GAL3ST3: variants seen among roughly 807,000 people sequenced by gnomAD.
The protein encoded by GAL3ST3 is beta-galactose-3-O-sulfotransferase 3.
Under a neutral mutation model 20.8 loss-of-function variants are expected in GAL3ST3, and 21 were observed. That is an observed-to-expected ratio of 1.01 (90% confidence interval 0.72 to 1.45). GAL3ST3 has a LOEUF of 1.45. Ranked by LOEUF, GAL3ST3 falls within the 40% of genes most tolerant of loss-of-function variation. The pLI is 0.00. For missense variants in GAL3ST3, 739 were observed against 662.7 expected, an observed-to-expected ratio of 1.12 and a Z score of -1.26; for synonymous variants, 355 against 307.2, an observed-to-expected ratio of 1.16 and a Z score of -1.63.
At chr11:66,046,489 T>G (rs1034364323) in intron 1 of GAL3ST3, among the ~76,000 whole-genome samples, 2 of 152,296 alleles carry the variant, frequency 1.3e-5, no homozygotes, top group South Asian at 4.1e-4. Flanking sequence ...AGCAATGAGA[T>G]GGCAGCCTGG....
chr11:66,042,366 G>C lies in GAL3ST3; in HGVS notation c.*141C>G. 1.5e-6 allele frequency: 1 copy of C among 648,642 alleles called. No individual in the cohort carries two copies. The highest frequency in any genetic ancestry group is 3.2e-5 in the East Asian group (1 of 31,554). 40.2% of individuals were successfully genotyped at this position (648,642 alleles called of 1,614,324 possible). On this transcript the variant is annotated 3_prime_UTR_variant, in exon 3 of 3. Coordinates refer to ENST00000312006, the MANE Select transcript of GAL3ST3 (RefSeq NM_033036.3). ...CGATCGGGAGCGGGGGCTCAGATAG[G>C]GAGGCGTACCCCAAAGTTCAGCGAG...
At chr11:66,045,569 A>G (rs1856774711) in intron 1 of GAL3ST3, 42 bp from the exon 2 acceptor site, 1 of 741,180 alleles carries the variant, frequency 1.3e-6, no homozygotes, top group South Asian at 2.6e-5. Flanking sequence ...GGCAGAGGAG[A>G]TGGGATCTGG....
At position 66,043,153 on chromosome 11, in the gene GAL3ST3, G is replaced by GGGCTGCGCTCATTGTCGCCGCCCA. The variant is rs1856736472; in HGVS notation, c.626_649dup (p.Leu209_Ser216dup). Reference sequence around the variant, plus strand: ...CGCCAGGTAGGCGGCGTCGTCGCGCGGGCTGCGCTCATTGTCGCCGCCCAG... The same window carrying GGGCTGCGCTCATTGTCGCCGCCCA: ...CGCCAGGTAGGCGGCGTCGTCGCGCGGGCTGCGCTCATTGTCGCCGCCCAGGCTGCGCTCATTGTCGCCGCCCAG... On this transcript the variant is annotated inframe_insertion, in exon 3 of 3. Coordinates refer to ENST00000312006, the MANE Select transcript of GAL3ST3 (RefSeq NM_033036.3). The GGGCTGCGCTCATTGTCGCCGCCCA allele has an allele frequency of 1.9e-6, 3 of 1,611,704 alleles. No homozygotes were observed. The highest frequency in any genetic ancestry group is 2.5e-6 in the Non-Finnish European group (3 of 1,179,326).
Position 66,049,114 on chromosome 11 carries a change from C to G in GAL3ST3, c.-216G>C, listed in dbSNP as rs1435136208. 1.3e-5 allele frequency: 2 copies of G among 152,470 alleles called. 1 individual carries two copies. Among genetic ancestry groups the G allele is most frequent in the South Asian group, 4.1e-4 (2 of 4,852 alleles). 9.4% of individuals were successfully genotyped at this position (152,470 alleles called of 1,614,324 possible). On this transcript the variant is annotated 5_prime_UTR_variant, in exon 1 of 3. Transcript: ENST00000312006. Reference sequence around the variant, plus strand: ...ACGGGGTCCGAGGGTGCCCGGGGCCCTGCGCGCCGAGTGCCGGTGGCTTGC... The same window carrying G: ...ACGGGGTCCGAGGGTGCCCGGGGCCGTGCGCGCCGAGTGCCGGTGGCTTGC...
In GAL3ST3 at chr11:66,041,106, G is replaced by C. The variant is rs930361270; in HGVS notation, c.*1401C>G. The stretch of plus-strand genomic sequence containing the variant: ...GAATGGCACTACAGACAGCACTTGT[G>C]AGCACAAACTCTGAAGCCACACTGC... On this transcript the variant is annotated 3_prime_UTR_variant, in exon 3 of 3. Coordinates refer to ENST00000312006, the MANE Select transcript of GAL3ST3 (RefSeq NM_033036.3). Among the ~76,000 whole-genome samples the C allele has an allele frequency of 3.3e-5, 5 of 152,124 alleles. No individual in the cohort carries two copies. Among genetic ancestry groups the C allele is most frequent in the African/African-American group, 1.2e-4 (5 of 41,418 alleles).
At chr11:66,047,810 A>G (rs1856797664) in intron 1 of GAL3ST3, among the ~76,000 whole-genome samples, 1 of 152,062 alleles carries the variant, frequency 6.6e-6, no homozygotes, top group African/African-American at 2.4e-5. Context: ...CTGCCCTCCT[A>G]GAGCACATAG....
At position 66,042,990 on chromosome 11, in the gene GAL3ST3, GGC is replaced by G. The variant is rs1565080224; in HGVS notation, c.811_812del (p.Ala271ArgfsTer97). On this transcript the variant is annotated frameshift_variant, in exon 3 of 3. Coordinates refer to ENST00000312006, the MANE Select transcript of GAL3ST3 (RefSeq NM_033036.3). LOFTEE classifies it low-confidence loss of function (END_TRUNC). ...DVLYAKLNAR[A>X]ASSRLAAIPA... ...GGATGGCGGCCAGGCGCGAGCTGGC[GGC>G]GCGCGCGTTGAGCTTGGCGTAGAGC... 6.3e-7 allele frequency: 1 copy of G among 1,591,584 alleles called. No homozygotes were observed. The highest frequency in any genetic ancestry group is 1.7e-5 in the Admixed American group (1 of 57,888).
At chr11:66,047,604 C>T (rs1477197113) in intron 1 of GAL3ST3, among the ~76,000 whole-genome samples, 1 of 152,178 alleles carries the variant, frequency 6.6e-6, no homozygotes, top group Non-Finnish European at 1.5e-5. Context: ...GACACCAGCC[C>T]CTGAAGGCGG....
intron 1 of GAL3ST3, among the ~76,000 whole-genome samples, chr11:66,047,435 G>T (rs946159417): frequency 2.0e-5 from 3 of 152,200 alleles, no homozygotes. Flanking sequence ...TCTACTGGCC[G>T]CACAGAGAGA....
At position 66,046,883 on chromosome 11, in the gene GAL3ST3, G is replaced by C. The variant is rs565032293; in HGVS notation, c.-112-1356C>G. ...GGTAAGGTAATATGAAAACCCTTTTGATCATCACCTTTTCTGGGAGCCCTG... is the reference window on the plus strand; with the variant it reads ...GGTAAGGTAATATGAAAACCCTTTTCATCATCACCTTTTCTGGGAGCCCTG... On this transcript the variant is annotated intron_variant, in intron 1 of 2. Coordinates refer to ENST00000312006, the MANE Select transcript of GAL3ST3 (RefSeq NM_033036.3). Among the ~76,000 whole-genome samples the C allele has an allele frequency of 2.6e-5, 4 of 152,266 alleles. No homozygotes were observed. The South Asian group carries it at 8.3e-4, about 32-fold the overall frequency.
intron 1 of GAL3ST3, among the ~76,000 whole-genome samples, chr11:66,045,962 C>T (rs79386334): frequency 2.0e-5 from 3 of 152,170 alleles, no homozygotes; most frequent in Non-Finnish European, 4.4e-5. Flanking sequence ...CCAGAGAAAC[C>T]GAGCTCCTCG....
rs1329384382 is a variant in GAL3ST3 at position 66,042,686 on chromosome 11, C to A, written c.1117G>T (p.Gly373Cys). 6.5e-7 allele frequency: 1 copy of A among 1,534,044 alleles called. No homozygotes were observed. Among genetic ancestry groups the A allele is most frequent in the South Asian group, 1.2e-5 (1 of 83,956 alleles). Residue 373 changes from glycine (G) to cysteine (C), a missense_variant, in exon 3 of 3, where the codon GGC (glycine) becomes TGC (cysteine). Coordinates refer to ENST00000312006, the MANE Select transcript of GAL3ST3 (RefSeq NM_033036.3). ...CAGGCCTCGGTGGCCGGGCCGGCGC[C>A]GCCGCCGGGCAGGTCATAGCCCATA... ...DIMGYDLPGG[G>C]AGPATEACLK... is the part of the protein sequence containing the mutation.
In GAL3ST3 at chr11:66,045,338, C is replaced by T. The variant is rs1188630410; in HGVS notation, c.78G>A (p.Gly26=). 1 of 1,607,834 alleles carries T rather than the reference C, an allele frequency of 6.2e-7. No individual in the cohort carries two copies. The highest frequency in any genetic ancestry group is 2.3e-5 in the East Asian group (1 of 44,282). The stretch of plus-strand genomic sequence containing the variant: ...GGATGAGAAGGCTTACGGTGCTGCA[C>T]CCTAGCACCAGCAGCAGGATTTTCC... ...SRRKILLLVL[G]CSTVSLLIHQ... The change falls in exon 2 of 3, where the codon GGG becomes GGA. Residue 26 remains glycine, a synonymous_variant. Transcript: ENST00000312006.
chr11:66,046,098 G>A (rs1590701396), intron 1 of GAL3ST3, among the ~76,000 whole-genome samples: 1 of 152,256 alleles, frequency 6.6e-6, no homozygotes, highest in African/African-American at 2.4e-5. Context: ...CCCTGACCTA[G>A]GTATTATTCC....
rs1590698441 is a variant in GAL3ST3, at chr11:66,042,642, G to A, written c.1161C>T (p.Pro387=). The A allele has an allele frequency of 7.2e-6, 11 of 1,535,870 alleles. No homozygotes were observed. Among genetic ancestry groups the A allele is most frequent in the Non-Finnish European group, 9.6e-6 (11 of 1,146,698 alleles). The change falls in exon 3 of 3, where the codon CCC becomes CCT. Residue 387 remains proline, a synonymous_variant. Transcript: ENST00000312006. The part of the protein sequence containing the change: ...ATEACLKLAM[P]EVQYSNYLLR... ...ACAGGTAGTTCGAGTACTGGACCTC[G>A]GGCATGGCCAGCTTGAGGCAGGCCT...
Position 66,045,426 on chromosome 11 carries a change from C to A in GAL3ST3, c.-11G>T. Reference sequence around the variant, plus strand: ...GAGGATGGGTGGCATGGCGGAGTACCCACCCCTGGACCAGCCAGGGCCTCA... The same window carrying A: ...GAGGATGGGTGGCATGGCGGAGTACACACCCCTGGACCAGCCAGGGCCTCA... On this transcript the variant is annotated 5_prime_UTR_variant, in exon 2 of 3. Coordinates refer to ENST00000312006, the MANE Select transcript of GAL3ST3 (RefSeq NM_033036.3). 1.3e-6 allele frequency: 2 copies of A among 1,592,458 alleles called. No individual in the cohort carries two copies. The highest frequency in any genetic ancestry group is 2.3e-5 in the South Asian group (2 of 87,186).
chr11:66,043,068 G>C lies in GAL3ST3; in HGVS notation c.735C>G (p.Asp245Glu). ...GGCGCCGCAGCAGCACTAGCGACTC[G>C]TCGAAGTACTCGGCGATCATGACGA... is the stretch of plus-strand genomic sequence containing the variant. ...FSLVMIAEYF[D>E]ESLVLLRRLL... The change falls in exon 3 of 3, where the codon GAC becomes GAG. Residue 245 changes from aspartate (D) to glutamate (E), a missense_variant. Transcript: ENST00000312006. 6.2e-7 allele frequency: 1 copy of C among 1,611,680 alleles called. No individual in the cohort carries two copies. Among genetic ancestry groups the C allele is most frequent in the Non-Finnish European group, 8.5e-7 (1 of 1,179,336 alleles).
Position 66,045,515 on chromosome 11 carries a change from G to T in GAL3ST3, c.-100C>A. The T allele has an allele frequency of 1.5e-6, 2 of 1,338,266 alleles. No individual in the cohort carries two copies. Among genetic ancestry groups the T allele is most frequent in the Non-Finnish European group, 2.0e-6 (2 of 1,005,270 alleles). The allele number at this position is 1,338,266 out of a possible 1,614,324, so 82.9% of individuals were successfully genotyped here. ...CTGCGGCTCTGGTAGCAGGGCCAGT[G>T]TTCCCGAGAAGCCTGGCAGAAGAAG... On this transcript the variant is annotated 5_prime_UTR_variant, in exon 2 of 3. Coordinates refer to ENST00000312006, the MANE Select transcript of GAL3ST3 (RefSeq NM_033036.3).
In GAL3ST3 at chr11:66,042,737, A is replaced by T; in HGVS notation, c.1066T>A (p.Trp356Arg). ...ATGTCCACCTTGCGGCTGGGCTGCCACGGCTGCAGCTGCTTGGTGCGGATC... is the reference window on the plus strand; with the variant it reads ...ATGTCCACCTTGCGGCTGGGCTGCCTCGGCTGCAGCTGCTTGGTGCGGATC... ...AQIRTKQLQPWQPSRKVDIMG... is the reference protein window; with the variant it reads ...AQIRTKQLQPRQPSRKVDIMG... The change falls in exon 3 of 3, where the codon TGG (tryptophan) becomes AGG (arginine). Residue 356 changes from tryptophan (W) to arginine (R), a missense_variant. Transcript: ENST00000312006. The T allele has an allele frequency of 6.5e-7, 1 of 1,533,302 alleles. No homozygotes were observed. The highest frequency in any genetic ancestry group is 8.7e-7 in the Non-Finnish European group (1 of 1,145,536). 95.0% of individuals were successfully genotyped at this position (1,533,302 alleles called of 1,614,324 possible). A position where few individuals can be genotyped will look rare whatever the true frequency, so the allele number is the denominator to read the frequency against.
Sources: allele counts gnomAD v4.1 joint callset (sites outside exome capture counted in the v4.1 genomes callset), GRCh38; gene constraint gnomAD v4.1.1; transcripts MANE v1.5; gene names NCBI Gene and HGNC (gene_info 2026-07-23, HGNC 2026-07-21).